The following CCDC93 variants were observed in gnomAD, a reference collection of about 807,000 sequenced individuals.
The protein encoded by CCDC93 is CCC complex scaffolding subunit CCDC93, also known as coiled-coil domain-containing protein 93.
Under a neutral mutation model 108.2 loss-of-function variants are expected in CCDC93, and 61 were observed. The observed-to-expected ratio is 0.56, with a 90% confidence interval of 0.46 to 0.70. CCDC93 has a LOEUF of 0.70. Ranked by LOEUF, CCDC93 falls within the 30% of genes least tolerant of loss-of-function variation. The pLI is 0.00. For missense variants in CCDC93, 685 were observed against 764.2 expected (o/e 0.90, Z 1.22); for synonymous variants, 276 against 260.4 (o/e 1.06, Z -0.58).
intron 19 of CCDC93, among the ~76,000 whole-genome samples, chr2:117,940,668 G>A (rs1678672184): frequency 6.6e-6 from 1 of 152,246 alleles, no homozygotes; most frequent in Admixed American, 6.5e-5. Context: ...AAGAGCAGAT[G>A]TGGCAGGAAT....
At chr2:117,990,740 G>A (rs568361686) in intron 6 of CCDC93, among the ~76,000 whole-genome samples, 1 of 151,718 alleles carries the variant, frequency 6.6e-6, no homozygotes, top group African/African-American at 2.4e-5. Flanking sequence ...GGCATGGAAA[G>A]ATATCCTCAA....
chr2:117,977,937 G>T, intron 8 of CCDC93, 57 bp downstream of exon 8: 2 of 1,497,984 alleles, frequency 1.3e-6, no homozygotes, highest in Non-Finnish European at 1.9e-6. Context: ...AGTCAGAGGT[G>T]AAGGGAGTCA....
chr2:117,994,110 T>C (rs983763963), intron 6 of CCDC93, among the ~76,000 whole-genome samples: 1 of 152,230 alleles, frequency 6.6e-6, no homozygotes, highest in African/African-American at 2.4e-5. Flanking sequence ...TAAAGTATGA[T>C]TCCAATTCAG....
In CCDC93 at chr2:118,013,816, G is replaced by C. The variant is rs986910743; in HGVS notation, c.42+138C>G. ...CCCCGCCTCCAAGAAGAGGGTCGGC[G>C]CTTCCCTGAGGTGGATACGCCTGAG... On this transcript the variant is annotated intron_variant, in intron 1 of 23. Transcript: ENST00000376300. 4 of 724,888 alleles carry C rather than the reference G, an allele frequency of 5.5e-6. No individual in the cohort carries two copies. The African/African-American group carries it at 7.5e-5, about 14-fold the overall frequency. 44.9% of individuals were successfully genotyped at this position (724,888 alleles called of 1,614,324 possible).
Position 117,973,889 on chromosome 2 carries a change from C to A in CCDC93, c.888+19G>T. 3.2e-6 allele frequency: 5 copies of A among 1,579,482 alleles called. No homozygotes were observed. Among genetic ancestry groups the A allele is most frequent in the Non-Finnish European group, 4.3e-6 (5 of 1,153,712 alleles). On this transcript the variant is annotated intron_variant, in intron 11 of 23. Coordinates refer to ENST00000376300, the MANE Select transcript of CCDC93 (RefSeq NM_019044.5). ...GGAGCATTATCTGGGGCACAGACTC[C>A]AGCTGGGCCCCCACCTACCTTCTCT...
intron 6 of CCDC93, among the ~76,000 whole-genome samples, chr2:117,992,809 T>G (rs553370935): frequency 2.3e-4 from 35 of 151,572 alleles, no homozygotes; most frequent in Admixed American, 3.3e-4. Context: ...TTTGGGGCAC[T>G]ATGTAAATAT....
At chr2:117,953,379 A>C (rs2104748012) in intron 12 of CCDC93, among the ~76,000 whole-genome samples, 1 of 152,302 alleles carries the variant, frequency 6.6e-6, no homozygotes, top group South Asian at 2.1e-4. Context: ...GCAATGTGAT[A>C]AAGGAGAGAG....
chr2:117,921,415 C>T (rs1433599967), intron 23 of CCDC93, among the ~76,000 whole-genome samples: 1 of 152,086 alleles, frequency 6.6e-6, no homozygotes, highest in Admixed American at 6.5e-5. Context: ...GCTCATGATA[C>T]CTCCATCTGC....
At chr2:117,954,417 CT>C (rs1338534135) in intron 12 of CCDC93, among the ~76,000 whole-genome samples, 1 of 152,146 alleles carries the variant, frequency 6.6e-6, no homozygotes, top group Non-Finnish European at 1.5e-5. Flanking sequence ...CATCTCTTTT[CT>C]TTTCTTTAAT....
chr2:117,972,521 T>C (rs1679797994), intron 11 of CCDC93, among the ~76,000 whole-genome samples: 1 of 152,124 alleles, frequency 6.6e-6, no homozygotes, highest in Non-Finnish European at 1.5e-5. Flanking sequence ...CACAGGGGGC[T>C]CTGCCTGCCT....
Position 117,958,414 on chromosome 2 carries a change from A to C in CCDC93, c.956T>G (p.Val319Gly), listed in dbSNP as rs1679284984. ...CGCAATCTGTTTGTTCAAGGAAATGACTTTCCGGCGATGTAGCTGGGAGGT... is the reference window on the plus strand; with the variant it reads ...CGCAATCTGTTTGTTCAAGGAAATGCCTTTCCGGCGATGTAGCTGGGAGGT... ...LGTSQLHRRK[V>G]ISLNKQIAQK... The change falls in exon 12 of 24, where the codon GTC becomes GGC. Residue 319 changes from valine to glycine, a missense_variant. By Grantham distance (109) the Val-to-Gly change is moderately radical. Transcript: ENST00000376300. 3 of 1,613,824 alleles carry C rather than the reference A, an allele frequency of 1.9e-6. No individual in the cohort carries two copies. The highest frequency in any genetic ancestry group is 2.5e-6 in the Non-Finnish European group (3 of 1,179,726).
chr2:117,985,224 C>T (rs1192235191), intron 7 of CCDC93, among the ~76,000 whole-genome samples: 1 of 152,054 alleles, frequency 6.6e-6, no homozygotes, highest in Non-Finnish European at 1.5e-5. Context: ...CCTGCTGGTT[C>T]TCTCTGGTAC....
chr2:117,916,235 C>G lies in CCDC93; in HGVS notation c.*4108G>C, dbSNP rs1375654113. Reference sequence around the variant, plus strand: ...GTTCACATGGCTGAGACATTTCTGCCCATCAAGTTACCTTTAGGTTCATGA... The same window carrying G: ...GTTCACATGGCTGAGACATTTCTGCGCATCAAGTTACCTTTAGGTTCATGA... On this transcript the variant is annotated 3_prime_UTR_variant, in exon 24 of 24. Transcript: ENST00000376300. 6.6e-6 allele frequency: 1 copy of G among 152,110 alleles called. No homozygotes were observed. The highest frequency in any genetic ancestry group is 2.4e-5 in the African/African-American group (1 of 41,416). 9.4% of individuals were successfully genotyped at this position (152,110 alleles called of 1,614,324 possible). A position where few individuals can be genotyped will look rare whatever the true frequency, so the allele number is the denominator to read the frequency against.
intron 22 of CCDC93, among the ~76,000 whole-genome samples, chr2:117,935,206 C>T (rs1678483250): frequency 6.6e-6 from 1 of 152,176 alleles, no homozygotes; most frequent in Non-Finnish European, 1.5e-5. Flanking sequence ...ATACTGTTCA[C>T]TTCAGAGGTC....
At chr2:118,013,404 A>G (rs925963622) in intron 1 of CCDC93, among the ~76,000 whole-genome samples, 3 of 152,094 alleles carry the variant, frequency 2.0e-5, no homozygotes, top group Non-Finnish European at 4.4e-5. Context: ...CAAGTCTCCC[A>G]AACTTCCTCC....
intron 23 of CCDC93, among the ~76,000 whole-genome samples, chr2:117,923,144 G>A (rs569011707): frequency 6.6e-6 from 1 of 152,204 alleles, no homozygotes; most frequent in African/African-American, 2.4e-5. Flanking sequence ...GTGGAACCAA[G>A]ATGGCCGAAT....
At chr2:117,957,488 C>G (rs1679257605) in intron 12 of CCDC93, among the ~76,000 whole-genome samples, 1 of 152,242 alleles carries the variant, frequency 6.6e-6, no homozygotes, top group Non-Finnish European at 1.5e-5. Flanking sequence ...CAGCCTCCTA[C>G]CTGTTGTCCC....
At chr2:117,986,277 A>T (rs1277995384) in intron 6 of CCDC93, among the ~76,000 whole-genome samples, 1 of 143,718 alleles carries the variant, frequency 7.0e-6, no homozygotes, top group Non-Finnish European at 1.5e-5. Context: ...GGTATATTTT[A>T]AAATTATACA....
At position 118,013,970 on chromosome 2, in the gene CCDC93, C is replaced by T. The variant is rs772677010; in HGVS notation, c.26G>A (p.Gly9Asp). The T allele has an allele frequency of 6.3e-7, 1 of 1,594,596 alleles. No individual in the cohort carries two copies. The highest frequency in any genetic ancestry group is 8.5e-7 in the Non-Finnish European group (1 of 1,172,150). The change falls in exon 1 of 24, where the codon GGC becomes GAC. Residue 9 changes from glycine to aspartate, a missense_variant. Gly to Asp is a moderately conservative substitution (Grantham distance 94). Coordinates refer to ENST00000376300, the MANE Select transcript of CCDC93 (RefSeq NM_019044.5). The stretch of plus-strand genomic sequence containing the variant: ...CGTTCTTACCTCCGGGAGACCCTGG[C>T]CCTCCGGCCCCCTGGGCAACCCCAT... MGLPRGPE[G>D]QGLPEVETRE...
Sources: allele counts gnomAD v4.1 joint callset (sites outside exome capture counted in the v4.1 genomes callset), GRCh38; gene constraint gnomAD v4.1.1; transcripts MANE v1.5; gene names NCBI Gene and HGNC (gene_info 2026-07-23, HGNC 2026-07-21).